The following CADPS2 variants were observed in gnomAD, a reference collection of about 807,000 sequenced individuals.
The protein encoded by CADPS2 is calcium-dependent secretion activator 2.
Under a neutral mutation model 172.5 loss-of-function variants are expected in CADPS2, and 93 were observed. The ratio of observed to expected loss-of-function variants is 0.54; its 90% CI spans 0.46 to 0.64. The LOEUF (loss-of-function observed/expected upper bound fraction) is 0.64, where lower values mean the gene tolerates loss of function less well. CADPS2 is among the 30% of genes least tolerant of loss of function. The probability of loss-of-function intolerance (pLI) is 0.00; values close to 1 mark genes in which losing one functional copy is unlikely to be tolerated. For missense variants in CADPS2, 1,420 were observed against 1,565.9 expected, an observed-to-expected ratio of 0.91 and a Z score of 1.57; for synonymous variants, 546 against 555.2, an observed-to-expected ratio of 0.98 and a Z score of 0.23.
chr7:122,705,495 C>CTATATTA (rs1430948403), intron 2 of CADPS2, among the ~76,000 whole-genome samples: 1 of 112,658 alleles, frequency 8.9e-6, no homozygotes, highest in African/African-American at 3.5e-5. Flanking sequence ...TATATATTAT[C>CTATATTA]TATATTATAT....
chr7:122,320,387 G>A (rs377578834), intron 29 of CADPS2, 49 bp from the exon 30 acceptor site: 28 of 1,423,270 alleles, frequency 2.0e-5, no homozygotes, highest in Non-Finnish European at 2.6e-5. Context: ...TTATATGCGT[G>A]TACATAGATA....
At chr7:122,330,560 C>A (rs1396772005) in intron 28 of CADPS2, among the ~76,000 whole-genome samples, 1 of 152,164 alleles carries the variant, frequency 6.6e-6, no homozygotes, top group Non-Finnish European at 1.5e-5. Context: ...TAAAACCAGA[C>A]CCCCAGGCAC....
chr7:122,644,414 C>G (rs1281774361), intron 3 of CADPS2, among the ~76,000 whole-genome samples: 1 of 152,150 alleles, frequency 6.6e-6, no homozygotes, highest in African/African-American at 2.4e-5. Context: ...TACTTAACAA[C>G]AAAGCAGGTA....
intron 6 of CADPS2, among the ~76,000 whole-genome samples, chr7:122,598,791 A>G (rs907945256): frequency 3.9e-5 from 6 of 152,152 alleles, no homozygotes; most frequent in African/African-American, 1.4e-4. Context: ...TTCATCAAAT[A>G]AAGGTTAGTT....
chr7:122,716,161 T>A (rs1183512323), intron 2 of CADPS2, among the ~76,000 whole-genome samples: 3 of 152,114 alleles, frequency 2.0e-5, no homozygotes, highest in East Asian at 3.9e-4. Flanking sequence ...ATTAATTTTT[T>A]AAAAAACTGA....
At chr7:122,587,112 CTTT>C (rs959299995) in intron 6 of CADPS2, among the ~76,000 whole-genome samples, 1 of 150,006 alleles carries the variant, frequency 6.7e-6, no homozygotes, top group African/African-American at 2.4e-5. Flanking sequence ...TTTTTTTTTA[CTTT>C]TTTATTTTTA....
At chr7:122,718,256 T>G (rs1245125924) in intron 2 of CADPS2, among the ~76,000 whole-genome samples, 1 of 152,092 alleles carries the variant, frequency 6.6e-6, no homozygotes, top group Non-Finnish European at 1.5e-5. Flanking sequence ...CTCAAAGAAC[T>G]GCCTGTCAGC....
intron 7 of CADPS2, among the ~76,000 whole-genome samples, chr7:122,567,871 G>A (rs1331164597): frequency 6.6e-6 from 1 of 152,024 alleles, no homozygotes; most frequent in Non-Finnish European, 1.5e-5. Flanking sequence ...AAAAGCAGAA[G>A]AGGAGAAACG....
intron 3 of CADPS2, among the ~76,000 whole-genome samples, chr7:122,634,599 G>A (rs1233634304): frequency 6.6e-6 from 1 of 152,022 alleles, no homozygotes; most frequent in Non-Finnish European, 1.5e-5. Flanking sequence ...TCCTGTTTAT[G>A]TTTTCAAAAA....
chr7:122,517,060 A>C (rs1007957875), intron 8 of CADPS2, among the ~76,000 whole-genome samples: 1 of 152,050 alleles, frequency 6.6e-6, no homozygotes, highest in Non-Finnish European at 1.5e-5. Flanking sequence ...TCCCCTCCTT[A>C]CATCCCTAGC....
rs1224626369 is a variant in CADPS2, at chr7:122,319,505, G to T, written c.*660C>A. 6.6e-6 allele frequency: 1 copy of T among 152,148 alleles called. No individual in the cohort carries two copies. Among genetic ancestry groups the T allele is most frequent in the Admixed American group, 6.5e-5 (1 of 15,276 alleles). 9.4% of individuals were successfully genotyped at this position (152,148 alleles called of 1,614,324 possible). On this transcript the variant is annotated 3_prime_UTR_variant, in exon 30 of 30. Coordinates refer to ENST00000449022, the MANE Select transcript of CADPS2 (RefSeq NM_017954.11). ...ACCCCACACCTGGGGATTACTTATA[G>T]TTGAAAGAAGAAATGTTGAGAATGG...
intron 20 of CADPS2, among the ~76,000 whole-genome samples, chr7:122,401,906 C>T (rs2046001784): frequency 1.3e-5 from 2 of 152,164 alleles, no homozygotes; most frequent in Admixed American, 1.3e-4. Flanking sequence ...GGTGCTCTTC[C>T]CTTGAGGAAA....
At chr7:122,580,274 G>A (rs910175038) in intron 7 of CADPS2, among the ~76,000 whole-genome samples, 3 of 151,916 alleles carry the variant, frequency 2.0e-5, no homozygotes, top group African/African-American at 7.3e-5. Flanking sequence ...GGCCAAGATG[G>A]TGAAACCCCA....
At chr7:122,696,205 T>G (rs1051821961) in intron 2 of CADPS2, among the ~76,000 whole-genome samples, 7 of 152,172 alleles carry the variant, frequency 4.6e-5, no homozygotes, top group Admixed American at 1.3e-4. Context: ...ACAGCTGTCA[T>G]GGGGTCCTCA....
intron 6 of CADPS2, among the ~76,000 whole-genome samples, chr7:122,597,308 T>C (rs2071975049): frequency 6.6e-6 from 1 of 152,052 alleles, no homozygotes; most frequent in Non-Finnish European, 1.5e-5. Flanking sequence ...AATCAGTAAG[T>C]AAAATAACTA....
chr7:122,731,643 G>A (rs2091649546), intron 2 of CADPS2, among the ~76,000 whole-genome samples: 1 of 150,038 alleles, frequency 6.7e-6, no homozygotes, highest in South Asian at 2.1e-4. Flanking sequence ...AGACAATGAG[G>A]TGCTTAAAGA....
chr7:122,791,372 T>C (rs867379657), intron 1 of CADPS2, among the ~76,000 whole-genome samples: 16 of 152,170 alleles, frequency 1.1e-4, no homozygotes, highest in African/African-American at 3.9e-4. Flanking sequence ...CTTTTTTTTT[T>C]CTTTCAAATA....
intron 1 of CADPS2, among the ~76,000 whole-genome samples, chr7:122,803,145 A>G (rs998423431): frequency 6.6e-6 from 1 of 152,192 alleles, no homozygotes; most frequent in Non-Finnish European, 1.5e-5. Flanking sequence ...ACATATATAA[A>G]CTCAGAAAAA....
rs1466494729 is a variant in CADPS2, at chr7:122,604,405, C to T, written c.1223+10776G>A. 7.2e-5 allele frequency among the ~76,000 whole-genome samples: 11 copies of T among 152,202 alleles called. No individual in the cohort carries two copies. The South Asian group carries it at 2.3e-3, about 32-fold the overall frequency. ...TTGTACTTTAATGCCCCCTTAGGAA[C>T]CCTGCCTGTGTAAAGATCTGCACCA... On this transcript the variant is annotated intron_variant, in intron 6 of 29. Transcript: ENST00000449022.
Sources: gnomAD v4.1 joint callset for allele counts (sites outside exome capture counted in the v4.1 genomes callset) on GRCh38, gnomAD v4.1.1 for gene constraint, MANE v1.5 for transcripts, NCBI Gene and HGNC (gene_info 2026-07-23, HGNC 2026-07-21) for gene names.